The following NEB variants were observed in gnomAD, a reference collection of about 807,000 sequenced individuals.
NEB encodes the protein nemaline myopathy type 2.
A neutral mutation model predicts 952.2 loss-of-function variants in NEB; 512 were observed. That is an observed-to-expected ratio of 0.54 (90% CI 0.50 to 0.58). The LOEUF is 0.58. Among genes scored for constraint, NEB ranks in the 20% least tolerant of loss-of-function variants. The pLI is 0.00. For missense variants in NEB, 8,428 were observed against 9,231.1 expected (o/e 0.91, Z 3.56); for synonymous variants, 2,900 against 3,149.8 (o/e 0.92, Z 2.66).
intron 38 of NEB, among the ~76,000 whole-genome samples, chr2:151,670,536 G>A (rs576220399): frequency 1.3e-5 from 2 of 151,846 alleles, no homozygotes; most frequent in Non-Finnish European, 2.9e-5. Context: ...CTCAGAATGA[G>A]ATCCCAGATG....
At chr2:151,710,264 G>C (rs1040973051) in intron 11 of NEB, among the ~76,000 whole-genome samples, 170 bp downstream of exon 11, 3 of 152,226 alleles carry the variant, frequency 2.0e-5, no homozygotes, top group Non-Finnish European at 2.9e-5. Flanking sequence ...CAAAAGGAAA[G>C]AGAGTTTGGG....
At chr2:151,542,480 T>G (rs2094193984) in intron 135 of NEB, among the ~76,000 whole-genome samples, 1 of 152,196 alleles carries the variant, frequency 6.6e-6, no homozygotes, top group Non-Finnish European at 1.5e-5. Flanking sequence ...TATCTCTATC[T>G]CAAATTGCTG....
At position 151,655,385 on chromosome 2, in the gene NEB, G is replaced by T; in HGVS notation, c.6703-11C>A. The T allele has an allele frequency of 6.9e-7, 1 of 1,450,782 alleles. No individual in the cohort carries two copies. The highest frequency in any genetic ancestry group is 9.4e-7 in the Non-Finnish European group (1 of 1,059,716). 89.9% of individuals were successfully genotyped at this position (1,450,782 alleles called of 1,614,324 possible). On this transcript the variant is annotated splice_polypyrimidine_tract_variant and intron_variant, in intron 50 of 181. Transcript: ENST00000397345. ...AATGGTGTATAAATGCTAGGAAGTG[G>T]GAAAAAAAGACATGAAATTTGAATA...
In NEB at chr2:151,682,727, CACA is replaced by C. The variant is rs766232587; in HGVS notation, c.2875_2877del (p.Cys959del). 31 of 1,613,320 alleles carry C rather than the reference CACA, an allele frequency of 1.9e-5. No individual in the cohort carries two copies. The East Asian group carries it at 6.7e-4, about 35-fold the overall frequency. ...TCTAAGGACCCAAAAGGCACCCAGC[CACA>C]ACCTTTCATCCAGCTATTGTAGTCA... On this transcript the variant is annotated inframe_deletion, in exon 29 of 182. Transcript: ENST00000397345.
rs1260678671 is a variant in NEB, at chr2:151,565,612, A to G, written c.18262-7T>C. ...CATTTTTCTTATATTTGATCTGTAA[A>G]GAAACGGAGACAATTAAGACAGGTC... On this transcript the variant is annotated splice_polypyrimidine_tract_variant and splice_region_variant and intron_variant, in intron 115 of 181. Transcript: ENST00000397345. 6.3e-7 allele frequency: 1 copy of G among 1,579,380 alleles called. No homozygotes were observed.
At chr2:151,570,623 TATC>T (rs760637816) in intron 107 of NEB, 22 bp from the exon 108 acceptor site, 10 of 1,560,110 alleles carry the variant, frequency 6.4e-6, no homozygotes, top group Non-Finnish European at 7.8e-6. Context: ...AAAAATAAGG[TATC>T]ATCCTAGATT....
chr2:151,681,687 G>A (rs1187958239), intron 29 of NEB, among the ~76,000 whole-genome samples: 1 of 152,092 alleles, frequency 6.6e-6, no homozygotes, highest in Non-Finnish European at 1.5e-5. Context: ...TGTGTAGTCT[G>A]CCCTCCTTGA....
At position 151,485,381 on chromosome 2, in the gene NEB, T is replaced by G. The variant is rs2049576868; in HGVS notation, c.*379A>C. 6.2e-6 allele frequency: 1 copy of G among 160,994 alleles called. No individual in the cohort carries two copies. The highest frequency in any genetic ancestry group is 6.4e-5 in the Admixed American group (1 of 15,636). 10.0% of individuals were successfully genotyped at this position (160,994 alleles called of 1,614,324 possible). A position where few individuals can be genotyped will look rare whatever the true frequency, so the allele number is the denominator to read the frequency against. On this transcript the variant is annotated 3_prime_UTR_variant, in exon 182 of 182. Transcript: ENST00000397345. ...TTATTAGTTGCTGGTTTGTATTGAT[T>G]ATAAGTTTATAACTTCAGAACTGAA... is the stretch of plus-strand genomic sequence containing the variant.
chr2:151,564,481 AT>A (rs2096267633), intron 117 of NEB, among the ~76,000 whole-genome samples: 1 of 152,160 alleles, frequency 6.6e-6, no homozygotes, highest in South Asian at 2.1e-4. Context: ...AGAGTTGACT[AT>A]TTTTGCGGTC....
In NEB at chr2:151,633,705, A is replaced by T. The variant is rs6709886; in HGVS notation, c.9363T>A (p.Pro3121=). ...KNYLHEWTCL[P]DQSDVIHARQ... ...GAGCATGGATGACATCGCTCTGGTCAGGCAGGCATGTCCACTCGTGCAGGT... is the reference window on the plus strand; with the variant it reads ...GAGCATGGATGACATCGCTCTGGTCTGGCAGGCATGTCCACTCGTGCAGGT... Residue 3121 remains proline (P), a synonymous_variant, in exon 65 of 182, where the codon CCT becomes CCA. Coordinates refer to ENST00000397345, the MANE Select transcript of NEB (RefSeq NM_001164508.2). 2 of 1,613,718 alleles carry T rather than the reference A, an allele frequency of 1.2e-6. No homozygotes were observed. The highest frequency in any genetic ancestry group is 8.5e-7 in the Non-Finnish European group (1 of 1,179,820).
chr2:151,617,486 AAAGAG>A lies in NEB; in HGVS notation c.11077-23_11077-19del. Reference sequence around the variant, plus strand: ...TATAAGCGCTACAAAAAAAAAAAAAAAAGAGAGAGAGAGAGAGAAAAATTATTTTG... The same window carrying A: ...TATAAGCGCTACAAAAAAAAAAAAAAAGAGAGAGAGAGAAAAATTATTTTG... On this transcript the variant is annotated intron_variant, in intron 74 of 181. Transcript: ENST00000397345. 16 of 1,370,992 alleles carry A rather than the reference AAAGAG, an allele frequency of 1.2e-5. No homozygotes were observed. Among genetic ancestry groups the A allele is most frequent in the East Asian group, 5.1e-5 (2 of 38,982 alleles). 84.9% of individuals were successfully genotyped at this position (1,370,992 alleles called of 1,614,324 possible).
intron 181 of NEB, among the ~76,000 whole-genome samples, chr2:151,486,973 A>T (rs2051036460): frequency 6.6e-6 from 1 of 152,202 alleles, no homozygotes; most frequent in Non-Finnish European, 1.5e-5. Flanking sequence ...TAGATTATGG[A>T]GATGGTTGGA....
intron 109 of NEB, 78 bp downstream of exon 109, chr2:151,570,002 GA>G: frequency 7.4e-7 from 1 of 1,352,046 alleles, no homozygotes; most frequent in Non-Finnish European, 1.0e-6. Context: ...AATGATGACA[GA>G]AGGGGTTAGT....
intron 178 of NEB, 108 bp from the exon 179 acceptor site, chr2:151,491,883 C>T: frequency 9.7e-7 from 1 of 1,035,824 alleles, no homozygotes; most frequent in Non-Finnish European, 1.4e-6. Flanking sequence ...CACACTTATT[C>T]CAGCTTAGGT....
At chr2:151,619,088 CTCTAT>C (rs2098312354) in intron 73 of NEB, among the ~76,000 whole-genome samples, 1 of 152,172 alleles carries the variant, frequency 6.6e-6, no homozygotes, top group Admixed American at 6.5e-5. Flanking sequence ...TATGCTTTCC[CTCTAT>C]CTCCCTACTG....
intron 24 of NEB, chr2:151,689,228 C>T (rs1356830157): frequency 1.7e-5 from 2 of 118,200 alleles, no homozygotes; most frequent in African/African-American, 6.5e-5. Context: ...TTTTTGAGAC[C>T]GTGTCTGGCT....
chr2:151,514,202 T>C (rs953222601), intron 159 of NEB, 116 bp downstream of exon 159: 7 of 712,670 alleles, frequency 9.8e-6, no homozygotes, highest in Non-Finnish European at 1.7e-5. Flanking sequence ...AATCTGAAAA[T>C]GAAAAGCTCT....
Position 151,554,933 on chromosome 2 carries a change from C to T in NEB, c.19426G>A (p.Asp6476Asn), listed in dbSNP as rs752626000. The T allele has an allele frequency of 1.1e-5, 17 of 1,607,586 alleles. 1 individual carries two copies. Among genetic ancestry groups the T allele is most frequent in the East Asian group, 8.9e-5 (4 of 44,860 alleles). The change falls in exon 125 of 182, where the codon GAT becomes AAT. Residue 6476 changes from aspartate to asparagine, a missense_variant and splice_region_variant. By Grantham distance (23) the Asp-to-Asn change is conservative (BLOSUM62 1). Around this residue, in one of 11 missense-constraint regions of NEB, gnomAD observed 3,374 missense variants for 3,651.5 expected, o/e 0.92. Coordinates refer to ENST00000397345, the MANE Select transcript of NEB (RefSeq NM_001164508.2). The stretch of plus-strand genomic sequence containing the variant: ...AAGGGGCGCATGACCGTACTTACAT[C>T]GATGTTAAGCTTGCCAACTCGGAGG... ...RCLRVGKLNI[D>N]RLYRSVYEKN...
At chr2:151,491,343 T>G (rs1016049121) in intron 179 of NEB, 6 of 212,470 alleles carry the variant, frequency 2.8e-5, no homozygotes, top group Non-Finnish European at 5.8e-5. Flanking sequence ...CTCAGGAAGT[T>G]CCTACAGGTC....
Sources: allele counts gnomAD v4.1 joint callset (sites outside exome capture counted in the v4.1 genomes callset), GRCh38; gene constraint gnomAD v4.1.1; regional missense constraint gnomAD v4.1.1; transcripts MANE v1.5; gene names NCBI Gene and HGNC (gene_info 2026-07-23, HGNC 2026-07-21).